The following TRPM3 variants were observed in gnomAD, a reference collection of about 807,000 sequenced individuals.
The protein encoded by TRPM3 is long transient receptor potential channel 3.
Under a neutral mutation model 181.2 loss-of-function variants are expected in TRPM3, and 77 were observed. The observed-to-expected ratio is 0.42, with a 90% CI of 0.35 to 0.51. TRPM3 has a LOEUF of 0.51. TRPM3 is among the 20% of genes least tolerant of loss of function. TRPM3 has a pLI of 0.01. For missense variants in TRPM3, 1,759 were observed against 2,196.7 expected (o/e 0.80, Z 3.98); for synonymous variants, 745 against 796.4 (o/e 0.94, Z 1.09).
At chr9:71,023,833 G>A (rs2097865956) in intron 1 of TRPM3, among the ~76,000 whole-genome samples, 1 of 152,204 alleles carries the variant, frequency 6.6e-6, no homozygotes, top group East Asian at 1.9e-4. Flanking sequence ...GGTAGGGAAG[G>A]GAAGATGCAG....
At chr9:71,411,655 G>A (rs941153678) in intron 1 of TRPM3, among the ~76,000 whole-genome samples, 27 of 152,086 alleles carry the variant, frequency 1.8e-4, no homozygotes, top group Admixed American at 6.6e-4. Flanking sequence ...TCAATATCAC[G>A]AAAATGGCCA....
intron 1 of TRPM3, among the ~76,000 whole-genome samples, chr9:70,923,327 T>C (rs2096678140): frequency 6.6e-6 from 1 of 152,148 alleles, no homozygotes; most frequent in Admixed American, 6.5e-5. Flanking sequence ...TTTTGTCCTA[T>C]TTTGGGATGA....
At chr9:71,336,529 A>C (rs1359671924) in intron 1 of TRPM3, among the ~76,000 whole-genome samples, 2 of 152,212 alleles carry the variant, frequency 1.3e-5, no homozygotes, top group East Asian at 3.8e-4. Context: ...ATACTGCCCA[A>C]AGTAATTTAT....
intron 1 of TRPM3, among the ~76,000 whole-genome samples, chr9:71,186,377 T>C (rs1218360824): frequency 2.6e-5 from 4 of 152,048 alleles, no homozygotes; most frequent in Non-Finnish European, 5.9e-5. Context: ...AACTATAAAA[T>C]TTGAAAAATC....
chr9:70,548,206 A>C (rs2045545270), intron 25 of TRPM3, among the ~76,000 whole-genome samples: 1 of 152,252 alleles, frequency 6.6e-6, no homozygotes, highest in South Asian at 2.1e-4. Context: ...AAGGTCTCAG[A>C]ATGAGAAATA....
intron 1 of TRPM3, among the ~76,000 whole-genome samples, chr9:70,866,787 G>A (rs2095658831): frequency 1.3e-5 from 2 of 151,996 alleles, no homozygotes; most frequent in Admixed American, 1.3e-4. Flanking sequence ...AATCAAACCA[G>A]ATGATTCAGA....
chr9:70,791,022 A>G (rs899088170), intron 6 of TRPM3, among the ~76,000 whole-genome samples: 1 of 152,198 alleles, frequency 6.6e-6, no homozygotes, highest in African/African-American at 2.4e-5. Flanking sequence ...TTTAACTAGA[A>G]TGTCTCTTAG....
intron 1 of TRPM3, among the ~76,000 whole-genome samples, chr9:71,290,163 A>G (rs2085681369): frequency 6.6e-6 from 1 of 152,076 alleles, no homozygotes; most frequent in African/African-American, 2.4e-5. Context: ...AAGAGAAGAC[A>G]TGATGGGGCA....
At chr9:70,880,616 G>A (rs974534268) in intron 1 of TRPM3, among the ~76,000 whole-genome samples, 1 of 152,010 alleles carries the variant, frequency 6.6e-6, no homozygotes, top group African/African-American at 2.4e-5. Flanking sequence ...TGATTAATTA[G>A]TCCATAAATT....
At chr9:71,261,643 T>C (rs549780738) in intron 1 of TRPM3, among the ~76,000 whole-genome samples, 1 of 152,336 alleles carries the variant, frequency 6.6e-6, no homozygotes, top group East Asian at 1.9e-4. Flanking sequence ...CATGGATTTA[T>C]CTATCTTTGG....
At chr9:70,851,597 A>T (rs1045732430) in intron 3 of TRPM3, among the ~76,000 whole-genome samples, 7 of 152,172 alleles carry the variant, frequency 4.6e-5, no homozygotes, top group Admixed American at 4.6e-4. Context: ...ATATGTTGAA[A>T]TTCCTTTTGA....
chr9:71,007,414 T>C (rs1403551163), intron 1 of TRPM3, among the ~76,000 whole-genome samples: 1 of 152,106 alleles, frequency 6.6e-6, no homozygotes, highest in Non-Finnish European at 1.5e-5. Flanking sequence ...CATACATTTT[T>C]CCATTTTTTC....
intron 1 of TRPM3, among the ~76,000 whole-genome samples, chr9:71,119,513 A>C (rs538030885): frequency 2.2e-4 from 33 of 152,102 alleles, no homozygotes; most frequent in South Asian, 4.1e-4. Context: ...TGGTTTTGTG[A>C]CTAGTAAATG....
intron 1 of TRPM3, among the ~76,000 whole-genome samples, chr9:71,330,286 T>C (rs989683841): frequency 4.0e-5 from 6 of 151,874 alleles, no homozygotes; most frequent in Admixed American, 2.0e-4. Context: ...CTTTCAGAAA[T>C]ACACAGTAAC....
chr9:71,354,808 T>C (rs755728040), intron 1 of TRPM3, among the ~76,000 whole-genome samples: 9 of 152,248 alleles, frequency 5.9e-5, no homozygotes, highest in Admixed American at 6.5e-5. Context: ...GCTTGGTTTG[T>C]ATTTCTGCCC....
chr9:70,668,576 A>G (rs936977494), intron 9 of TRPM3, among the ~76,000 whole-genome samples: 5 of 150,300 alleles, frequency 3.3e-5, no homozygotes, highest in Admixed American at 3.3e-4. Flanking sequence ...GAGGCAGGAG[A>G]ATGGTGTGAA....
intron 1 of TRPM3, among the ~76,000 whole-genome samples, chr9:71,272,069 T>C (rs2083843443): frequency 6.6e-6 from 1 of 152,126 alleles, no homozygotes; most frequent in African/African-American, 2.4e-5. Context: ...AAAGTATGAG[T>C]TGTGCTTGAA....
intron 22 of TRPM3, among the ~76,000 whole-genome samples, chr9:70,565,269 C>T (rs2050257154): frequency 6.6e-6 from 1 of 152,166 alleles, no homozygotes; most frequent in Non-Finnish European, 1.5e-5. Flanking sequence ...TAAACATTTT[C>T]ATCTTGGCAG....
chr9:70,566,992 G>A (rs769614079), intron 22 of TRPM3, among the ~76,000 whole-genome samples: 12 of 152,206 alleles, frequency 7.9e-5, no homozygotes, highest in Non-Finnish European at 1.6e-4. Context: ...TGAGGTTTGG[G>A]AGAGGGAACA....
Sources: allele counts gnomAD v4.1 joint callset (sites outside exome capture counted in the v4.1 genomes callset), GRCh38; gene constraint gnomAD v4.1.1; transcripts MANE v1.5; gene names NCBI Gene and HGNC (gene_info 2026-07-23, HGNC 2026-07-21).